CGNL1: variants seen among roughly 807,000 people sequenced by gnomAD.
CGNL1 encodes cingulin-like protein 1.
A neutral mutation model predicts 141.2 loss-of-function variants in CGNL1; 132 were observed. The observed-to-expected ratio is 0.93, with a 90% CI of 0.81 to 1.08. The LOEUF is 1.08. Among genes scored for constraint, CGNL1 ranks in the 50% least tolerant of loss-of-function variants. The pLI is 0.00. For missense variants in CGNL1, 1,870 were observed against 1,588.6 expected (o/e 1.18, Z -3.01); for synonymous variants, 690 against 622.1 (o/e 1.11, Z -1.63).
intron 3 of CGNL1, among the ~76,000 whole-genome samples, chr15:57,441,517 C>T (rs1209402415): frequency 2.6e-5 from 4 of 151,980 alleles, no homozygotes; most frequent in African/African-American, 9.7e-5. Context: ...TATAGGTGTG[C>T]GCCACCATGT....
intron 8 of CGNL1, among the ~76,000 whole-genome samples, chr15:57,497,514 A>G (rs569750863): frequency 6.6e-6 from 1 of 152,348 alleles, no homozygotes; most frequent in South Asian, 2.1e-4. Flanking sequence ...CCTGCAAAGT[A>G]AAAGTCTGCA....
intron 1 of CGNL1, among the ~76,000 whole-genome samples, chr15:57,380,655 C>A (rs547948055): frequency 6.6e-6 from 1 of 152,142 alleles, no homozygotes; most frequent in African/African-American, 2.4e-5. Flanking sequence ...ACTCCAGGAG[C>A]GAGAAGGGTG....
At chr15:57,497,067 C>T (rs1281769546) in intron 8 of CGNL1, among the ~76,000 whole-genome samples, 5 of 152,164 alleles carry the variant, frequency 3.3e-5, no homozygotes, top group South Asian at 2.1e-4. Context: ...CTGACGCCCC[C>T]GAGGCCCCAC....
chr15:57,417,660 C>G (rs1201524982), intron 1 of CGNL1, among the ~76,000 whole-genome samples: 3 of 145,028 alleles, frequency 2.1e-5, no homozygotes, highest in Non-Finnish European at 3.0e-5. Context: ...AAAGGAGTCT[C>G]TCTCGTTCAT....
At chr15:57,401,348 C>T (rs748627863) in intron 1 of CGNL1, among the ~76,000 whole-genome samples, 14 of 152,120 alleles carry the variant, frequency 9.2e-5, no homozygotes, top group South Asian at 2.1e-4. Flanking sequence ...TGAGCCAGTG[C>T]GCCCAGCTGC....
chr15:57,422,604 G>T (rs571410001), intron 1 of CGNL1, among the ~76,000 whole-genome samples: 1 of 152,288 alleles, frequency 6.6e-6, no homozygotes, highest in African/African-American at 2.4e-5. Flanking sequence ...GCAGGTTAAT[G>T]TTTAATGTAA....
At chr15:57,468,140 T>C (rs560731002) in intron 8 of CGNL1, among the ~76,000 whole-genome samples, 1 of 152,280 alleles carries the variant, frequency 6.6e-6, no homozygotes, top group African/African-American at 2.4e-5. Context: ...GGGTAATGGG[T>C]AGGTGAGAGT....
intron 18 of CGNL1, among the ~76,000 whole-genome samples, chr15:57,546,964 C>T (rs1418204172): frequency 6.6e-6 from 1 of 152,086 alleles, no homozygotes; most frequent in Non-Finnish European, 1.5e-5. Flanking sequence ...TAGGGTGCAG[C>T]ATTTAAGAGG....
At chr15:57,455,284 A>G (rs1214772161) in intron 7 of CGNL1, among the ~76,000 whole-genome samples, 2 of 152,244 alleles carry the variant, frequency 1.3e-5, no homozygotes, top group Non-Finnish European at 2.9e-5. Flanking sequence ...AATGATGTCA[A>G]TGAACAATTT....
At chr15:57,522,839 C>G (rs1274608073) in intron 10 of CGNL1, among the ~76,000 whole-genome samples, 3 of 152,174 alleles carry the variant, frequency 2.0e-5, no homozygotes, top group African/African-American at 7.2e-5. Flanking sequence ...AACCACCTAC[C>G]TGGCTAGTAT....
chr15:57,452,366 A>G, intron 6 of CGNL1, 77 bp downstream of exon 6: 6 of 1,324,956 alleles, frequency 4.5e-6, no homozygotes, highest in Non-Finnish European at 6.2e-6. Context: ...TGTCCATTTA[A>G]TACTACCCAG....
At chr15:57,406,077 A>T (rs1321481121) in intron 1 of CGNL1, 1 of 152,520 alleles carries the variant, frequency 6.6e-6, no homozygotes, top group African/African-American at 2.4e-5. Context: ...AAGGCACATC[A>T]GTGGGTGATG....
chr15:57,385,267 C>T (rs570201140), intron 1 of CGNL1, among the ~76,000 whole-genome samples: 1 of 152,344 alleles, frequency 6.6e-6, no homozygotes, highest in South Asian at 2.1e-4. Context: ...GGTGAAGTGG[C>T]TCACGCCTAT....
intron 8 of CGNL1, among the ~76,000 whole-genome samples, chr15:57,506,871 A>G (rs574498111): frequency 2.0e-5 from 3 of 152,360 alleles, no homozygotes; most frequent in Admixed American, 6.5e-5. Flanking sequence ...AGCAGGACCA[A>G]TTCAGGTCTG....
intron 7 of CGNL1, among the ~76,000 whole-genome samples, chr15:57,458,558 C>G (rs942430334): frequency 2.0e-5 from 3 of 152,164 alleles, no homozygotes; most frequent in African/African-American, 7.2e-5. Context: ...TGCTGGAAAA[C>G]ATAAGTGTGG....
At chr15:57,528,533 T>G in intron 12 of CGNL1, 121 bp from the exon 13 acceptor site, 2 of 944,290 alleles carry the variant, frequency 2.1e-6, no homozygotes, top group Non-Finnish European at 3.2e-6. Flanking sequence ...TCTTCTGATC[T>G]CCCATATTGT....
rs148902088 is a variant in CGNL1, at chr15:57,476,167, C to T, written c.2403+14275C>T. 1.0e-3 allele frequency among the ~76,000 whole-genome samples: 152 copies of T among 152,076 alleles called. 1 individual carries two copies. Among genetic ancestry groups the T allele is most frequent in the African/African-American group, 3.4e-3 (139 of 41,486 alleles). The stretch of plus-strand genomic sequence containing the variant: ...GGGCATGAGAAGCTGGCATATGGCA[C>T]GGAAAGCAGAAGTTCGGAAAAGGGT... On this transcript the variant is annotated intron_variant, in intron 8 of 18. Transcript: ENST00000281282.
At chr15:57,528,618 AC>A in intron 12 of CGNL1, 35 bp from the exon 13 acceptor site, 1 of 1,610,404 alleles carries the variant, frequency 6.2e-7, no homozygotes, top group Non-Finnish European at 8.5e-7. Flanking sequence ...CTCTTGATGC[AC>A]CCCAGAAAAC....
intron 1 of CGNL1, among the ~76,000 whole-genome samples, chr15:57,424,093 C>G (rs1168610775): frequency 6.6e-6 from 1 of 152,218 alleles, no homozygotes; most frequent in Non-Finnish European, 1.5e-5. Flanking sequence ...GTGGGTTTGG[C>G]TCCTGCCCAC....
Sources: gnomAD v4.1 joint callset for allele counts (sites outside exome capture counted in the v4.1 genomes callset) on GRCh38, gnomAD v4.1.1 for gene constraint, MANE v1.5 for transcripts, NCBI Gene and HGNC (gene_info 2026-07-23, HGNC 2026-07-21) for gene names.